Variants in CRIM1 observed in about 807,000 individuals in gnomAD.
CRIM1 encodes the protein cysteine-rich motor neuron 1 protein.
Under a neutral mutation model 116.4 loss-of-function variants are expected in CRIM1, and 32 were observed. The observed-to-expected ratio is 0.27, with a 90% CI of 0.21 to 0.37. CRIM1 has a LOEUF of 0.37. CRIM1 is among the 10% of genes least tolerant of loss of function. The pLI, the probability that CRIM1 is intolerant of heterozygous loss-of-function variation, is 1.00. For synonymous variants in CRIM1, 590 were observed against 509.2 expected (o/e 1.16, Z -2.13); for missense variants, 1,331 against 1,354.8 (o/e 0.98, Z 0.28).
At chr2:36,536,202 G>A (rs913630254) in intron 13 of CRIM1, among the ~76,000 whole-genome samples, 1 of 152,200 alleles carries the variant, frequency 6.6e-6, no homozygotes, top group African/African-American at 2.4e-5. Context: ...GGCTCCTGAT[G>A]CCATTATGGG....
intron 4 of CRIM1, among the ~76,000 whole-genome samples, chr2:36,454,277 C>G (rs1676970072): frequency 6.6e-6 from 1 of 152,110 alleles, no homozygotes; most frequent in African/African-American, 2.4e-5. Context: ...TTAGTGTGTT[C>G]TTTCCTCTAT....
At chr2:36,398,151 A>G (rs1672163112) in intron 2 of CRIM1, among the ~76,000 whole-genome samples, 1 of 152,208 alleles carries the variant, frequency 6.6e-6, no homozygotes, top group Non-Finnish European at 1.5e-5. Flanking sequence ...TTACGCATAC[A>G]CATTTAAACT....
intron 5 of CRIM1, among the ~76,000 whole-genome samples, chr2:36,475,522 A>C (rs1678908236): frequency 6.6e-6 from 1 of 152,144 alleles, no homozygotes; most frequent in African/African-American, 2.4e-5. Context: ...TGTCATCTGC[A>C]ATTAGAGATA....
In CRIM1 at chr2:36,517,511, C is replaced by A. The variant is rs760405485; in HGVS notation, c.2175C>A (p.Arg725=). The part of the protein sequence containing the change: ...CPPLLCQNPS[R]TQDSCCPQCT... ...CGCTGCTCTGCCAGAACCCCTCACG[C>A]ACCCAGGATTCCTGCTGCCCACAGT... Residue 725 remains arginine (R), a synonymous_variant, in exon 12 of 17, where the codon CGC becomes CGA. Coordinates refer to ENST00000280527, the MANE Select transcript of CRIM1 (RefSeq NM_016441.3). 1 of 1,614,044 alleles carries A rather than the reference C, an allele frequency of 6.2e-7. No individual in the cohort carries two copies. Among genetic ancestry groups the A allele is most frequent in the South Asian group, 1.1e-5 (1 of 91,078 alleles).
Position 36,479,708 on chromosome 2 carries a change from ATGC to A in CRIM1, c.1372+16_1372+18del. 1 of 1,612,032 alleles carries A rather than the reference ATGC, an allele frequency of 6.2e-7. No individual in the cohort carries two copies. The highest frequency in any genetic ancestry group is 8.5e-7 in the Non-Finnish European group (1 of 1,178,060). ...CTGTGTGCGAAGGTAAATCTTGCAG[ATGC>A]TAATGAGTCCCTGGTGAATGTCTTC... On this transcript the variant is annotated intron_variant, in intron 7 of 16. Coordinates refer to ENST00000280527, the MANE Select transcript of CRIM1 (RefSeq NM_016441.3).
intron 1 of CRIM1, among the ~76,000 whole-genome samples, chr2:36,364,706 G>T (rs745417312): frequency 5.9e-5 from 9 of 152,108 alleles, no homozygotes; most frequent in Non-Finnish European, 1.0e-4. Flanking sequence ...AGATCAGCTT[G>T]TTTAGTTTCT....
intron 1 of CRIM1, chr2:36,379,041 A>G (rs148426829): frequency 1.3e-5 from 2 of 152,338 alleles, no homozygotes; most frequent in East Asian, 3.9e-4. Flanking sequence ...TTCAGCTAAC[A>G]TACACACATA....
At chr2:36,500,058 G>A (rs1252889281) in intron 8 of CRIM1, among the ~76,000 whole-genome samples, 1 of 152,070 alleles carries the variant, frequency 6.6e-6, no homozygotes, top group Non-Finnish European at 1.5e-5. Context: ...CAGGCATGGT[G>A]GCTCACGCTT....
chr2:36,412,124 G>A (rs1673256772), intron 2 of CRIM1, among the ~76,000 whole-genome samples: 1 of 152,140 alleles, frequency 6.6e-6, no homozygotes. Context: ...AGGTAGACCA[G>A]AGCTGCTACG....
intron 1 of CRIM1, among the ~76,000 whole-genome samples, chr2:36,360,317 C>G (rs2148273270): frequency 6.6e-6 from 1 of 152,280 alleles, no homozygotes; most frequent in Middle Eastern, 3.4e-3. Context: ...TCCGAGGACT[C>G]TGTTGTATTA....
At chr2:36,525,720 G>A (rs560343492) in intron 13 of CRIM1, among the ~76,000 whole-genome samples, 8 of 152,292 alleles carry the variant, frequency 5.3e-5, no homozygotes, top group African/African-American at 1.7e-4. Flanking sequence ...CACCTTGGCT[G>A]TAGGGCTCTT....
At chr2:36,399,670 G>A (rs1468468316) in intron 2 of CRIM1, among the ~76,000 whole-genome samples, 1 of 152,200 alleles carries the variant, frequency 6.6e-6, no homozygotes, top group African/African-American at 2.4e-5. Context: ...AGATACTACA[G>A]CATGTTTGGA....
At chr2:36,359,486 C>G (rs187819328) in intron 1 of CRIM1, among the ~76,000 whole-genome samples, 1 of 152,090 alleles carries the variant, frequency 6.6e-6, no homozygotes, top group Non-Finnish European at 1.5e-5. Context: ...GAAATGGGCC[C>G]CTTTCAGCTT....
At chr2:36,517,168 A>G (rs918428280) in intron 11 of CRIM1, among the ~76,000 whole-genome samples, 159 bp from the exon 12 acceptor site, 1 of 152,192 alleles carries the variant, frequency 6.6e-6, no homozygotes, top group African/African-American at 2.4e-5. Context: ...TTCTGTTTCC[A>G]TGCATGGAAT....
intron 1 of CRIM1, chr2:36,379,311 A>G (rs1284004825): frequency 1.3e-5 from 2 of 152,222 alleles, no homozygotes; most frequent in East Asian, 3.8e-4. Context: ...AGAAGAATGT[A>G]CAAATGCTTT....
chr2:36,447,231 G>GT (rs1676313469), intron 4 of CRIM1, among the ~76,000 whole-genome samples: 1 of 152,142 alleles, frequency 6.6e-6, no homozygotes, highest in East Asian at 1.9e-4. Context: ...TTCAACCCAG[G>GT]TTTTTTAATT....
intron 7 of CRIM1, among the ~76,000 whole-genome samples, chr2:36,481,101 G>A (rs1248388410): frequency 1.3e-5 from 2 of 152,150 alleles, no homozygotes; most frequent in Admixed American, 1.3e-4. Flanking sequence ...GTAAACATTA[G>A]CCTTTTAACC....
chr2:36,481,783 G>C (rs1426537409), intron 7 of CRIM1, among the ~76,000 whole-genome samples: 1 of 152,114 alleles, frequency 6.6e-6, no homozygotes, highest in Non-Finnish European at 1.5e-5. Context: ...GTCAGATTCG[G>C]CTCCATTTGT....
At chr2:36,380,256 T>A (rs992357722) in intron 1 of CRIM1, among the ~76,000 whole-genome samples, 1 of 152,212 alleles carries the variant, frequency 6.6e-6, no homozygotes, top group Non-Finnish European at 1.5e-5. Context: ...CTACACAGTT[T>A]GAGCTCAAGC....
Sources: allele counts gnomAD v4.1 joint callset (sites outside exome capture counted in the v4.1 genomes callset), GRCh38; gene constraint gnomAD v4.1.1; transcripts MANE v1.5; gene names NCBI Gene and HGNC (gene_info 2026-07-23, HGNC 2026-07-21).